The following ENOX1 variants were observed in gnomAD, a reference collection of about 807,000 sequenced individuals.
ENOX1 encodes candidate growth-related and time keeping constitutive hydroquinone (NADH) oxidase.
A neutral mutation model predicts 82.5 loss-of-function variants in ENOX1; 42 were observed. That is an observed-to-expected ratio of 0.51 (90% confidence interval 0.40 to 0.66). ENOX1 has a LOEUF of 0.66. ENOX1 is among the 30% of genes least tolerant of loss of function. The pLI is 0.00. For synonymous variants in ENOX1, 271 were observed against 282.2 expected (o/e 0.96, Z 0.40); for missense variants, 608 against 811.6 (o/e 0.75, Z 3.05).
At chr13:43,609,352 A>C (rs1440562731) in intron 2 of ENOX1, among the ~76,000 whole-genome samples, 1 of 152,210 alleles carries the variant, frequency 6.6e-6, no homozygotes, top group Non-Finnish European at 1.5e-5. Flanking sequence ...TTATTTTCAT[A>C]AATTTTCTCC....
chr13:43,403,956 T>C (rs1566131598), intron 5 of ENOX1, among the ~76,000 whole-genome samples: 1 of 152,212 alleles, frequency 6.6e-6, no homozygotes. Flanking sequence ...GTAGCGTCTA[T>C]GGCAGTGCCT....
intron 1 of ENOX1, among the ~76,000 whole-genome samples, chr13:43,719,116 T>C (rs760478358): frequency 1.7e-4 from 26 of 152,142 alleles, no homozygotes; most frequent in Non-Finnish European, 3.2e-4. Context: ...CAATCAGCAT[T>C]TTAATTCCCA....
chr13:43,410,864 C>T (rs2054087396), intron 5 of ENOX1, among the ~76,000 whole-genome samples: 1 of 152,164 alleles, frequency 6.6e-6, no homozygotes, highest in Non-Finnish European at 1.5e-5. Flanking sequence ...TTTCTTCTGC[C>T]ACTGTAACAA....
At chr13:43,758,794 T>C (rs975298560) in intron 1 of ENOX1, among the ~76,000 whole-genome samples, 2 of 152,208 alleles carry the variant, frequency 1.3e-5, no homozygotes, top group East Asian at 1.9e-4. Flanking sequence ...AATTAGACGA[T>C]TAAATGATGT....
chr13:43,718,947 C>T (rs146918059), intron 1 of ENOX1, among the ~76,000 whole-genome samples: 249 of 152,148 alleles, frequency 1.6e-3, no homozygotes, highest in African/African-American at 5.1e-3. Flanking sequence ...ATACAATGGA[C>T]GAGATGAATT....
At chr13:43,597,013 C>T (rs1456003304) in intron 2 of ENOX1, among the ~76,000 whole-genome samples, 1 of 152,162 alleles carries the variant, frequency 6.6e-6, no homozygotes, top group Non-Finnish European at 1.5e-5. Flanking sequence ...ACACGCTTAA[C>T]AGGAAGCATG....
chr13:43,311,912 A>T (rs1357485079), intron 11 of ENOX1, among the ~76,000 whole-genome samples: 2 of 152,268 alleles, frequency 1.3e-5, no homozygotes, highest in Non-Finnish European at 2.9e-5. Flanking sequence ...GGCTCGGTAG[A>T]TAAACTACAC....
At chr13:43,618,947 TTTC>T (rs2082603106) in intron 2 of ENOX1, among the ~76,000 whole-genome samples, 1 of 151,796 alleles carries the variant, frequency 6.6e-6, no homozygotes, top group Non-Finnish European at 1.5e-5. Flanking sequence ...TGTAGAAGTC[TTTC>T]AACTCCTTGG....
At chr13:43,615,484 T>A (rs890383414) in intron 2 of ENOX1, among the ~76,000 whole-genome samples, 1 of 152,110 alleles carries the variant, frequency 6.6e-6, no homozygotes, top group African/African-American at 2.4e-5. Flanking sequence ...CATTCAAAAT[T>A]TTGTTCTCTC....
At chr13:43,634,089 A>C (rs2083324787) in intron 2 of ENOX1, among the ~76,000 whole-genome samples, 1 of 152,132 alleles carries the variant, frequency 6.6e-6, no homozygotes, top group Non-Finnish European at 1.5e-5. Context: ...TTCATATTTG[A>C]ACCGGCCAAC....
Position 43,269,539 on chromosome 13 carries a change from C to G in ENOX1, c.1485G>C (p.Lys495Asn). Residue 495 changes from lysine (K) to asparagine (N), a missense_variant, in exon 13 of 17, where the codon AAG becomes AAC. Physicochemically the swap from Lys to Asn is moderately conservative, Grantham distance 94 (BLOSUM62 0). Transcript: ENST00000690772. Reference protein sequence around the residue: ...LTIQEELNNKKSELEQAKEEQ... With the variant: ...LTIQEELNNKNSELEQAKEEQ... ...CTTCCTTTGCTTGTTCCAATTCTGA[C>G]TTTTTGTTGTTTAACTCCTCCTGGA... The G allele has an allele frequency of 9.9e-6, 16 of 1,613,900 alleles. No homozygotes were observed. The highest frequency in any genetic ancestry group is 1.3e-5 in the Non-Finnish European group (15 of 1,179,840).
At chr13:43,531,104 CTTTTT>C (rs568113030) in intron 2 of ENOX1, among the ~76,000 whole-genome samples, 1 of 150,302 alleles carries the variant, frequency 6.7e-6, no homozygotes, top group Non-Finnish European at 1.5e-5. Flanking sequence ...GTAAATAATA[CTTTTT>C]TTTTACAAGA....
chr13:43,729,637 C>T (rs1454400199), intron 1 of ENOX1, among the ~76,000 whole-genome samples: 1 of 152,174 alleles, frequency 6.6e-6, no homozygotes, highest in Non-Finnish European at 1.5e-5. Flanking sequence ...CCATCTCTCC[C>T]CATCAACCCC....
intron 2 of ENOX1, among the ~76,000 whole-genome samples, chr13:43,616,686 C>T (rs533803791): frequency 6.6e-6 from 1 of 152,194 alleles, no homozygotes; most frequent in South Asian, 2.1e-4. Context: ...TCCATGTTAT[C>T]ATTTAACATG....
intron 2 of ENOX1, among the ~76,000 whole-genome samples, chr13:43,485,572 T>G (rs1391242589): frequency 6.6e-6 from 1 of 152,104 alleles, no homozygotes; most frequent in Non-Finnish European, 1.5e-5. Context: ...AACCAGAGCC[T>G]AGGATTATTA....
intron 2 of ENOX1, among the ~76,000 whole-genome samples, chr13:43,525,478 G>T (rs1434340903): frequency 6.6e-6 from 1 of 152,064 alleles, no homozygotes; most frequent in Non-Finnish European, 1.5e-5. Flanking sequence ...ATCCATGTTG[G>T]TTCTTTGGCC....
At chr13:43,305,242 C>CT (rs1242715998) in intron 11 of ENOX1, among the ~76,000 whole-genome samples, 1 of 132,796 alleles carries the variant, frequency 7.5e-6, no homozygotes, top group African/African-American at 2.8e-5. Context: ...AATTGATCTG[C>CT]TTTTCAATAA....
At chr13:43,226,249 G>A (rs2042018302) in intron 15 of ENOX1, among the ~76,000 whole-genome samples, 1 of 152,094 alleles carries the variant, frequency 6.6e-6, no homozygotes, top group Non-Finnish European at 1.5e-5. Flanking sequence ...ATTTAAAAAT[G>A]ATTATTTTCA....
intron 9 of ENOX1, among the ~76,000 whole-genome samples, 199 bp from the exon 10 acceptor site, chr13:43,326,724 T>C (rs1037466312): frequency 6.6e-6 from 1 of 152,192 alleles, no homozygotes; most frequent in African/African-American, 2.4e-5. Context: ...TCCACAACTT[T>C]AGGTTAAAAC....
Sources: gnomAD v4.1 joint callset for allele counts (sites outside exome capture counted in the v4.1 genomes callset) on GRCh38, gnomAD v4.1.1 for gene constraint, MANE v1.5 for transcripts, NCBI Gene and HGNC (gene_info 2026-07-23, HGNC 2026-07-21) for gene names.